The following DPH6 variants were observed in gnomAD, a reference collection of about 807,000 sequenced individuals.
The protein encoded by DPH6 is diphthine--ammonia ligase.
Under a neutral mutation model 38.2 loss-of-function variants are expected in DPH6, and 33 were observed. The ratio of observed to expected loss-of-function variants is 0.86; its 90% CI spans 0.65 to 1.15. The LOEUF is 1.15. DPH6 is among the 50% of genes most tolerant of loss of function. The pLI is 0.00. For missense variants in DPH6, 325 were observed against 320.0 expected, an observed-to-expected ratio of 1.02 and a Z score of -0.12; for synonymous variants, 108 against 103.0, an observed-to-expected ratio of 1.05 and a Z score of -0.30.
the DPH6 span, among the ~76,000 whole-genome samples, chr15:35,171,494 C>T: frequency 6.6e-6 from 1 of 152,086 alleles, no homozygotes; most frequent in East Asian, 1.9e-4. Context: ...AGTTAATTAG[C>T]TCTTAATTAA....
At chr15:35,255,163 T>G (rs774706061) in intron 3 of DPH6, among the ~76,000 whole-genome samples, 2 of 152,118 alleles carry the variant, frequency 1.3e-5, no homozygotes, top group East Asian at 3.8e-4. Context: ...CGGAGAACTA[T>G]GAAACAAGGC....
chr15:35,228,606 T>C (rs1269993156), intron 3 of DPH6, among the ~76,000 whole-genome samples: 1 of 152,210 alleles, frequency 6.6e-6, no homozygotes, highest in African/African-American at 2.4e-5. Flanking sequence ...TTTTGTATTT[T>C]TGTAGAGACG....
At position 35,512,437 on chromosome 15, in the gene DPH6, T is replaced by A. The variant is rs1318595504; in HGVS notation, c.312+25837A>T. On this transcript the variant is annotated intron_variant, in intron 3 of 8. Coordinates refer to ENST00000256538, the MANE Select transcript of DPH6 (RefSeq NM_080650.4). ...ATGTCTATACCTATATCTGTGTTCA[T>A]CCACATGGCACATTTTTAGTATAAA... Among the ~76,000 whole-genome samples, 11 of 152,134 alleles carry A rather than the reference T, an allele frequency of 7.2e-5. No homozygotes were observed. In the East Asian group the frequency reaches 1.9e-3, roughly 27 times the overall value.
chr15:35,404,121 CAT>C (rs1399890144), intron 6 of DPH6, among the ~76,000 whole-genome samples: 2 of 152,140 alleles, frequency 1.3e-5, no homozygotes, highest in Non-Finnish European at 1.5e-5. Context: ...TTTATCCATT[CAT>C]ATGTTGATGG....
rs551419094 is a variant in DPH6, at chr15:35,260,214, T to A, written n.201-39632A>T. On this transcript the variant is annotated intron_variant and non_coding_transcript_variant, in intron 3 of 3. Coordinates refer to the DPH6 transcript ENST00000560386. ...ACCTCCGCCTCCTGGGTTCAAGCAATTCTCTGCCTCAGGCTCCCGAGTAGC... is the reference window on the plus strand; with the variant it reads ...ACCTCCGCCTCCTGGGTTCAAGCAAATCTCTGCCTCAGGCTCCCGAGTAGC... Among the ~76,000 whole-genome samples the A allele has an allele frequency of 3.9e-5, 6 of 152,224 alleles. No homozygotes were observed. The South Asian group carries it at 1.2e-3, about 32-fold the overall frequency.
chr15:35,409,800 C>T (rs2053341828), intron 6 of DPH6, among the ~76,000 whole-genome samples: 1 of 151,798 alleles, frequency 6.6e-6, no homozygotes, highest in Non-Finnish European at 1.5e-5. Context: ...AAATAAATGA[C>T]ATCAAATTAT....
the DPH6 span, among the ~76,000 whole-genome samples, chr15:35,164,482 A>C: frequency 6.6e-6 from 1 of 151,838 alleles, no homozygotes; most frequent in South Asian, 2.1e-4. Flanking sequence ...TAAAAAAAAA[A>C]CTGTAAGTAT....
intron 3 of DPH6, chr15:35,237,595 C>A: frequency 6.3e-7 from 1 of 1,593,276 alleles, no homozygotes; most frequent in Non-Finnish European, 8.6e-7. Context: ...GTCCGAACCT[C>A]ACGCATCTAA....
chr15:35,308,014 G>T (rs1459596600), intron 3 of DPH6, among the ~76,000 whole-genome samples: 2 of 152,182 alleles, frequency 1.3e-5, no homozygotes, highest in Middle Eastern at 3.2e-3. Context: ...GCTCACACCT[G>T]TAATCCCAGC....
intron 3 of DPH6, among the ~76,000 whole-genome samples, chr15:35,457,360 T>C (rs898137094): frequency 3.9e-4 from 59 of 151,260 alleles, no homozygotes; most frequent in African/African-American, 1.4e-3. Flanking sequence ...GTTGTATTTG[T>C]TCAATAATTT....
At chr15:35,390,216 T>G (rs1461734389) in intron 6 of DPH6, among the ~76,000 whole-genome samples, 1 of 152,214 alleles carries the variant, frequency 6.6e-6, no homozygotes, top group Admixed American at 6.5e-5. Context: ...TATCAGCTGT[T>G]AGTCTGATGG....
chr15:35,162,295 C>G, the DPH6 span, among the ~76,000 whole-genome samples: 1 of 151,950 alleles, frequency 6.6e-6, no homozygotes, highest in Non-Finnish European at 1.5e-5. Flanking sequence ...TGAAATCGTT[C>G]ATGGCATCCC....
At chr15:35,491,652 G>A (rs1254345335) in intron 3 of DPH6, among the ~76,000 whole-genome samples, 1 of 147,542 alleles carries the variant, frequency 6.8e-6, no homozygotes, top group Non-Finnish European at 1.5e-5. Context: ...CTCATATATA[G>A]AACTATAGAT....
At chr15:35,281,271 T>C (rs2051897394) in intron 3 of DPH6, among the ~76,000 whole-genome samples, 1 of 152,184 alleles carries the variant, frequency 6.6e-6, no homozygotes. Flanking sequence ...AGGCAAATTT[T>C]ATGACTGCTT....
rs58857105 is a variant in DPH6 at position 35,316,275 on chromosome 15, T to G, written n.200+57246A>C. On this transcript the variant is annotated intron_variant and non_coding_transcript_variant, in intron 3 of 3. Transcript: ENST00000560386. ...ATTTGATCTCTACAAATTATATGAATGTATTAAATTATTTACATGTACCCC... is the reference window on the plus strand; with the variant it reads ...ATTTGATCTCTACAAATTATATGAAGGTATTAAATTATTTACATGTACCCC... Among the ~76,000 whole-genome samples, 3,800 of 152,286 alleles carry G rather than the reference T, an allele frequency of 0.025. 324 individuals carry two copies. The East Asian group carries it at 0.33, about 13-fold the overall frequency.
At chr15:35,308,669 G>A (rs1359732345) in intron 3 of DPH6, among the ~76,000 whole-genome samples, 1 of 152,140 alleles carries the variant, frequency 6.6e-6, no homozygotes, top group African/African-American at 2.4e-5. Flanking sequence ...TAAACATTTA[G>A]GAGCTGAGAT....
the DPH6 span, among the ~76,000 whole-genome samples, chr15:35,153,756 T>G: frequency 3.3e-5 from 5 of 152,080 alleles, no homozygotes; most frequent in Non-Finnish European, 7.4e-5. Flanking sequence ...TGGAAGATCA[T>G]AGGTAACATA....
At chr15:35,296,194 C>T (rs556944582) in intron 3 of DPH6, among the ~76,000 whole-genome samples, 57 of 152,234 alleles carry the variant, frequency 3.7e-4, no homozygotes, top group African/African-American at 1.2e-3. Flanking sequence ...CTGCCTTGGC[C>T]TCCCAAAGTG....
chr15:35,353,130 GTTT>G (rs1049771839), intron 3 of DPH6, among the ~76,000 whole-genome samples: 3 of 152,016 alleles, frequency 2.0e-5, no homozygotes, highest in Non-Finnish European at 4.4e-5. Context: ...GGGGTTGTTT[GTTT>G]TTTTCTTGTA....
Sources: allele counts gnomAD v4.1 joint callset (sites outside exome capture counted in the v4.1 genomes callset), GRCh38; gene constraint gnomAD v4.1.1; transcripts MANE v1.5; gene names NCBI Gene and HGNC (gene_info 2026-07-23, HGNC 2026-07-21).